Variants in ATRNL1 observed in about 807,000 individuals in gnomAD.
ATRNL1 encodes attractin-like protein 1.
In ATRNL1, 95 loss-of-function variants were observed where a neutral mutation model predicts 182.7. That is an observed-to-expected ratio of 0.52 (90% confidence interval 0.44 to 0.62). The LOEUF is 0.62. ATRNL1 is among the 20% of genes least tolerant of loss of function. The probability of loss-of-function intolerance (pLI) is 0.00; values close to 1 mark genes in which losing one functional copy is unlikely to be tolerated. For missense variants in ATRNL1, 1,471 were observed against 1,679.5 expected (o/e 0.88, Z 2.17); for synonymous variants, 576 against 568.3 (o/e 1.01, Z -0.19).
At chr10:115,739,521 T>C (rs558302441) in intron 27 of ATRNL1, among the ~76,000 whole-genome samples, 1 of 152,320 alleles carries the variant, frequency 6.6e-6, no homozygotes, top group South Asian at 2.1e-4. Context: ...ATGGGCAGAT[T>C]GTATCTCCTG....
chr10:115,271,893 G>A (rs1177055122), intron 13 of ATRNL1, among the ~76,000 whole-genome samples: 1 of 152,158 alleles, frequency 6.6e-6, no homozygotes, highest in Non-Finnish European at 1.5e-5. Flanking sequence ...TGGAGGTGGG[G>A]CTTGGTAGGA....
chr10:115,917,110 ACT>A lies in ATRNL1; in HGVS notation c.4019-27545_4019-27544del, dbSNP rs1331517126. On this transcript the variant is annotated intron_variant, in intron 28 of 28. Coordinates refer to ENST00000355044, the MANE Select transcript of ATRNL1 (RefSeq NM_207303.4). ...TGTCAGCGCTTTGAGATGGCGTCTA[ACT>A]CTGACTGCCACTTTAGTGGCTGTGC... is the stretch of plus-strand genomic sequence containing the variant. Among the ~76,000 whole-genome samples the A allele has an allele frequency of 3.9e-5, 6 of 152,114 alleles. No homozygotes were observed. The East Asian group carries it at 1.2e-3, about 29-fold the overall frequency.
At chr10:115,157,047 T>G (rs550606943) in intron 5 of ATRNL1, among the ~76,000 whole-genome samples, 1 of 152,198 alleles carries the variant, frequency 6.6e-6, no homozygotes, top group Admixed American at 6.6e-5. Flanking sequence ...AATAACATAG[T>G]AGGGTGACTA....
intron 26 of ATRNL1, among the ~76,000 whole-genome samples, chr10:115,555,438 A>C (rs1349095312): frequency 6.6e-6 from 1 of 151,884 alleles, no homozygotes; most frequent in Non-Finnish European, 1.5e-5. Context: ...TATCAGAACT[A>C]TTTCATATCA....
At chr10:115,839,542 C>A (rs2134333706) in intron 27 of ATRNL1, among the ~76,000 whole-genome samples, 1 of 152,270 alleles carries the variant, frequency 6.6e-6, no homozygotes, top group Non-Finnish European at 1.5e-5. Context: ...CTTTGCACCT[C>A]TGTGTGCATG....
intron 26 of ATRNL1, among the ~76,000 whole-genome samples, chr10:115,560,236 A>C (rs1350347241): frequency 1.3e-5 from 2 of 152,172 alleles, no homozygotes; most frequent in African/African-American, 4.8e-5. Context: ...ATAAAGACAT[A>C]CCCAAGACTG....
At chr10:115,199,517 T>C (rs1311815707) in intron 8 of ATRNL1, among the ~76,000 whole-genome samples, 2 of 151,966 alleles carry the variant, frequency 1.3e-5, no homozygotes, top group Non-Finnish European at 2.9e-5. Flanking sequence ...TGAGCTGAGA[T>C]TGCACCACTG....
intron 27 of ATRNL1, among the ~76,000 whole-genome samples, chr10:115,771,898 A>G (rs567084630): frequency 2.0e-5 from 3 of 152,308 alleles, no homozygotes; most frequent in African/African-American, 4.8e-5. Flanking sequence ...ATCTTGGGGG[A>G]AAAATAAGAT....
intron 8 of ATRNL1, among the ~76,000 whole-genome samples, chr10:115,200,403 G>C (rs1435231119): frequency 2.5e-5 from 3 of 119,780 alleles, no homozygotes; most frequent in African/African-American, 6.6e-5. Context: ...ACAGTCCCCA[G>C]AGTGTGATGT....
intron 25 of ATRNL1, among the ~76,000 whole-genome samples, chr10:115,539,379 T>G (rs1852223508): frequency 6.6e-6 from 1 of 152,238 alleles, no homozygotes; most frequent in Admixed American, 6.5e-5. Flanking sequence ...CTAAGTGAAC[T>G]CAACCATGAA....
chr10:115,941,151 A>G (rs1448211984), intron 28 of ATRNL1, among the ~76,000 whole-genome samples: 1 of 152,250 alleles, frequency 6.6e-6, no homozygotes, highest in Non-Finnish European at 1.5e-5. Context: ...GCCTTTCTAC[A>G]TACACATTGC....
At chr10:115,475,955 CAA>C (rs1262193027) in intron 24 of ATRNL1, among the ~76,000 whole-genome samples, 1 of 151,302 alleles carries the variant, frequency 6.6e-6, no homozygotes, top group Non-Finnish European at 1.5e-5. Context: ...ATAACAAAGA[CAA>C]AATATTTAGT....
At chr10:115,658,064 A>G (rs1323183532) in intron 26 of ATRNL1, among the ~76,000 whole-genome samples, 1 of 149,014 alleles carries the variant, frequency 6.7e-6, no homozygotes, top group East Asian at 2.0e-4. Flanking sequence ...TATAATTCTC[A>G]ATTTATACTG....
chr10:115,144,248 C>T (rs142967777), intron 5 of ATRNL1, among the ~76,000 whole-genome samples: 3 of 151,862 alleles, frequency 2.0e-5, no homozygotes, highest in African/African-American at 7.3e-5. Context: ...CCTGGGTTTA[C>T]GCTATTCTCC....
intron 8 of ATRNL1, among the ~76,000 whole-genome samples, chr10:115,184,172 G>C (rs1395494862): frequency 6.6e-6 from 1 of 150,944 alleles, no homozygotes; most frequent in African/African-American, 2.4e-5. Flanking sequence ...TATTTTCATT[G>C]GTATTAAAAA....
intron 27 of ATRNL1, among the ~76,000 whole-genome samples, chr10:115,825,509 C>T (rs1193439358): frequency 6.6e-6 from 1 of 152,008 alleles, no homozygotes; most frequent in Non-Finnish European, 1.5e-5. Context: ...TTAAAGTTGC[C>T]CTGATCTGCC....
intron 26 of ATRNL1, among the ~76,000 whole-genome samples, chr10:115,624,444 A>G (rs1857966222): frequency 6.6e-6 from 1 of 152,150 alleles, no homozygotes; most frequent in African/African-American, 2.4e-5. Context: ...TGATATTAAC[A>G]TTATTGGAAT....
In ATRNL1 at chr10:115,442,297, CTCTCTCTG is replaced by C. The variant is rs879948173; in HGVS notation, c.3322+15997_3322+16004del. On this transcript the variant is annotated intron_variant, in intron 21 of 28. Transcript: ENST00000355044. ...TCTCTCTCTCTCTCTCTCTCTCTCT[CTCTCTCTG>C]TGTGTATGTGTGTGTGTAAACAATC... Among the ~76,000 whole-genome samples the C allele has an allele frequency of 8.7e-3, 1,163 of 134,066 alleles. 19 individuals carry two copies. The highest frequency in any genetic ancestry group is 0.027 in the African/African-American group (1,054 of 39,626). 88.0% of individuals were successfully genotyped at this position (134,066 alleles called of 152,430 possible). A position where few individuals can be genotyped will look rare whatever the true frequency, so the allele number is the denominator to read the frequency against.
At chr10:115,636,922 T>A (rs550811436) in intron 26 of ATRNL1, among the ~76,000 whole-genome samples, 1 of 152,268 alleles carries the variant, frequency 6.6e-6, no homozygotes, top group Admixed American at 6.5e-5. Flanking sequence ...AATTTCATCA[T>A]CAGACTGCAT....
Sources: gnomAD v4.1 joint callset for allele counts (sites outside exome capture counted in the v4.1 genomes callset) on GRCh38, gnomAD v4.1.1 for gene constraint, MANE v1.5 for transcripts, NCBI Gene and HGNC (gene_info 2026-07-23, HGNC 2026-07-21) for gene names.